The following KIF13A variants were observed in gnomAD, a reference collection of about 807,000 sequenced individuals.
KIF13A encodes kinesin-like protein KIF13A.
Under a neutral mutation model 212.2 loss-of-function variants are expected in KIF13A, and 79 were observed. The observed-to-expected ratio is 0.37, with a 90% CI of 0.31 to 0.45. The LOEUF is 0.45. Among genes scored for constraint, KIF13A ranks in the 20% least tolerant of loss-of-function variants. The pLI, the probability that KIF13A is intolerant of heterozygous loss-of-function variation, is 1.00. For missense variants in KIF13A, 1,901 were observed against 2,209.0 expected, an observed-to-expected ratio of 0.86 and a Z score of 2.79; for synonymous variants, 789 against 808.6, an observed-to-expected ratio of 0.98 and a Z score of 0.41.
Position 17,837,048 on chromosome 6 carries a change from T to C in KIF13A, c.985A>G (p.Ile329Val), listed in dbSNP as rs1766030149. 6.2e-7 allele frequency: 1 copy of C among 1,613,998 alleles called. No individual in the cohort carries two copies. The highest frequency in any genetic ancestry group is 8.5e-7 in the Non-Finnish European group (1 of 1,179,888). ...GNSQTSMIAT[I>V]SPAADNYEET... ...TCATAGTTGTCTGCGGCTGGGCTGA[T>C]TGTGGCTATCATAGAGGTTTGGCTG... is the stretch of plus-strand genomic sequence containing the variant. The change falls in exon 11 of 39, where the codon ATC (isoleucine) becomes GTC (valine). Residue 329 changes from isoleucine to valine, a missense_variant. Physicochemically the swap from Ile to Val is conservative, Grantham distance 29 (BLOSUM62 3). This residue lies in a region of KIF13A where 506 missense variants were observed against 637.4 expected (regional missense o/e 0.79). Coordinates refer to ENST00000259711, the MANE Select transcript of KIF13A (RefSeq NM_022113.6). The surrounding 1 kb of genome is among the most constrained non-coding windows in gnomAD (Gnocchi z 5.4).
At chr6:17,778,001 G>A (rs1760156312) in intron 33 of KIF13A, among the ~76,000 whole-genome samples, 1 of 152,170 alleles carries the variant, frequency 6.6e-6, no homozygotes, top group African/African-American at 2.4e-5. Context: ...AGCTGGGCAT[G>A]GTGGTGGGTG....
In KIF13A at chr6:17,839,545, C is replaced by T. The variant is rs1766309190; in HGVS notation, c.831-1962G>A. Among the ~76,000 whole-genome samples, 1 of 152,078 alleles carries T rather than the reference C, an allele frequency of 6.6e-6. No individual in the cohort carries two copies. The highest frequency in any genetic ancestry group is 6.6e-5 in the Admixed American group (1 of 15,262). ...GGCAAATTATTTTACGTGAAAGAAG[C>T]CAAACACAAAAGGCCATTGTCCTGG... On this transcript the variant is annotated intron_variant, in intron 9 of 38. Transcript: ENST00000259711. The surrounding 1 kb of genome is among the most constrained non-coding windows in gnomAD (Gnocchi z 4.3).
intron 3 of KIF13A, among the ~76,000 whole-genome samples, chr6:17,880,489 G>A (rs1016973136): frequency 5.9e-5 from 9 of 151,796 alleles, no homozygotes; most frequent in Non-Finnish European, 1.3e-4. Context: ...TTAGCCAAGC[G>A]TGGAGGCACG....
chr6:17,840,243 A>T (rs1196502319), intron 9 of KIF13A, among the ~76,000 whole-genome samples: 1 of 152,176 alleles, frequency 6.6e-6, no homozygotes, highest in Non-Finnish European at 1.5e-5. Context: ...TACTTAATAC[A>T]GCTGTTCAAA....
At chr6:17,802,303 T>C (rs939411719) in intron 20 of KIF13A, among the ~76,000 whole-genome samples, 26 of 152,008 alleles carry the variant, frequency 1.7e-4, no homozygotes, top group Non-Finnish European at 1.3e-4. Flanking sequence ...CTTTTTTTTT[T>C]TTTTTGAGAC....
chr6:17,964,416 T>C (rs902717113), intron 2 of KIF13A, among the ~76,000 whole-genome samples: 2 of 152,190 alleles, frequency 1.3e-5, no homozygotes, highest in African/African-American at 4.8e-5. Context: ...CATCAAGTAA[T>C]TGTACTTTAT....
intron 2 of KIF13A, among the ~76,000 whole-genome samples, chr6:17,905,632 A>G (rs1235062355): frequency 6.6e-6 from 1 of 152,254 alleles, no homozygotes; most frequent in South Asian, 2.1e-4. Flanking sequence ...CTGGGCAAAG[A>G]GGGAATTTTG....
chr6:17,932,966 ATT>A (rs897135177), intron 2 of KIF13A, among the ~76,000 whole-genome samples: 2 of 152,186 alleles, frequency 1.3e-5, no homozygotes, highest in Non-Finnish European at 2.9e-5. Context: ...CAAGCTTTTC[ATT>A]TGCTCAAGGT....
chr6:17,797,995 C>G (rs539391140), intron 22 of KIF13A, among the ~76,000 whole-genome samples: 2 of 152,136 alleles, frequency 1.3e-5, no homozygotes, highest in Non-Finnish European at 1.5e-5. Context: ...AAGTAGGCAA[C>G]GAGCCAAGCT....
rs1768185649 is a variant in KIF13A at position 17,856,791 on chromosome 6, C to T, written c.221-669G>A. 6.6e-6 allele frequency among the ~76,000 whole-genome samples: 1 copy of T among 152,176 alleles called. No homozygotes were observed. Among genetic ancestry groups the T allele is most frequent in the Non-Finnish European group, 1.5e-5 (1 of 68,024 alleles). Reference sequence around the variant, plus strand: ...AATCTGTTTTAAACACATAAAAGGACAGCATTTGCTACCCTTTGAATTTGG... The same window carrying T: ...AATCTGTTTTAAACACATAAAAGGATAGCATTTGCTACCCTTTGAATTTGG... On this transcript the variant is annotated intron_variant, in intron 4 of 38. Transcript: ENST00000259711. This position sits in a 1 kb window ranked among gnomAD's most constrained non-coding sequence, Gnocchi z 4.5.
intron 2 of KIF13A, among the ~76,000 whole-genome samples, chr6:17,911,077 A>G (rs1039597195): frequency 1.3e-5 from 2 of 152,190 alleles, no homozygotes; most frequent in Non-Finnish European, 2.9e-5. Context: ...TTCAAGTTTT[A>G]TAAGTTAATT....
At position 17,826,031 on chromosome 6, in the gene KIF13A, A is replaced by AACACTT. The variant is rs761363743; in HGVS notation, c.1619+6_1619+7insAAGTGT. ...CGAAAATATATTACAGAACACAAAG[A>AACACTT]TGTTACCTAAAAAAGTGATTATTTC... On this transcript the variant is annotated splice_region_variant and intron_variant, in intron 15 of 38. Coordinates refer to ENST00000259711, the MANE Select transcript of KIF13A (RefSeq NM_022113.6). This position sits in a 1 kb window ranked among gnomAD's most constrained non-coding sequence, Gnocchi z 4.7. 3.0e-5 allele frequency: 49 copies of AACACTT among 1,613,250 alleles called. No individual in the cohort carries two copies. The highest frequency in any genetic ancestry group is 1.7e-4 in the Admixed American group (10 of 60,006).
intron 3 of KIF13A, among the ~76,000 whole-genome samples, chr6:17,882,774 C>G (rs545479945): frequency 8.5e-5 from 13 of 152,220 alleles, no homozygotes; most frequent in African/African-American, 3.1e-4. Context: ...GCTGGCCATG[C>G]TGGTCTTGAA....
At position 17,773,809 on chromosome 6, in the gene KIF13A, CAA is replaced by C. The variant is rs1055551771; in HGVS notation, c.4219-228_4219-227del. On this transcript the variant is annotated intron_variant, in intron 35 of 38. Transcript: ENST00000259711. The surrounding 1 kb of genome is among the most constrained non-coding windows in gnomAD (Gnocchi z 4.2). The stretch of plus-strand genomic sequence containing the variant: ...ATGTTAATATTTTATTATATTTGCT[CAA>C]GTTTAATAAAATTATTACAAATGTA... Among the ~76,000 whole-genome samples the C allele has an allele frequency of 1.3e-4, 20 of 152,154 alleles. No individual in the cohort carries two copies. Among genetic ancestry groups the C allele is most frequent in the African/African-American group, 4.8e-4 (20 of 41,514 alleles).
Position 17,833,855 on chromosome 6 carries a change from C to CAAAA in KIF13A, c.1266+102_1266+105dup, listed in dbSNP as rs11358140. 6.2e-3 allele frequency: 2,247 copies of CAAAA among 364,420 alleles called. 6 individuals are homozygous for CAAAA. The highest frequency in any genetic ancestry group is 0.016 in the African/African-American group (535 of 33,288). The allele number at this position is 364,420 out of a possible 1,614,324, so 22.6% of individuals were successfully genotyped here. ...TGGGCGACAGAGTGAGACTCCGTCT[C>CAAAA]AAAAAAAAAAAAAAAAAAGACTTTC... is the stretch of plus-strand genomic sequence containing the variant. On this transcript the variant is annotated intron_variant, in intron 12 of 38. Transcript: ENST00000259711.
intron 6 of KIF13A, among the ~76,000 whole-genome samples, chr6:17,853,089 T>C (rs1201754119): frequency 6.6e-6 from 1 of 152,186 alleles, no homozygotes; most frequent in African/African-American, 2.4e-5. Context: ...CACCAATATA[T>C]GGGAAAAAGG....
At position 17,951,437 on chromosome 6, in the gene KIF13A, T is replaced by A. The variant is rs1296595899; in HGVS notation, c.146+35617A>T. On this transcript the variant is annotated intron_variant, in intron 2 of 38. Transcript: ENST00000259711. The surrounding 1 kb of genome is among the most constrained non-coding windows in gnomAD (Gnocchi z 4.9). ...TGAGCCACTGTGACCAGCCTCAATT[T>A]AAAAAAAAAAAAAAAACAGCTTTAA... The A allele has an allele frequency of 3.2e-4, 153 of 477,824 alleles. No individual in the cohort carries two copies. The highest frequency in any genetic ancestry group is 8.0e-4 in the South Asian group (26 of 32,648). 29.6% of individuals were successfully genotyped at this position (477,824 alleles called of 1,614,324 possible).
At chr6:17,884,335 C>T (rs576015946) in intron 3 of KIF13A, among the ~76,000 whole-genome samples, 16 of 152,322 alleles carry the variant, frequency 1.1e-4, no homozygotes, top group Admixed American at 8.5e-4. Flanking sequence ...TCATTATGTA[C>T]TGATGGACTT....
intron 2 of KIF13A, among the ~76,000 whole-genome samples, chr6:17,938,228 T>C (rs149250176): frequency 1.3e-5 from 2 of 152,292 alleles, no homozygotes; most frequent in African/African-American, 4.8e-5. Flanking sequence ...AATTGCTACA[T>C]TTAATGCATG....
Sources: allele counts gnomAD v4.1 joint callset (sites outside exome capture counted in the v4.1 genomes callset), GRCh38; gene constraint gnomAD v4.1.1; regional missense constraint gnomAD v4.1.1; non-coding constraint Gnocchi (gnomAD v3.1); transcripts MANE v1.5; gene names NCBI Gene and HGNC (gene_info 2026-07-23, HGNC 2026-07-21).